Variants in SORCS2 observed in about 807,000 individuals in gnomAD.
The protein encoded by SORCS2 is VPS10 domain-containing receptor SorCS2.
Under a neutral mutation model 141.6 loss-of-function variants are expected in SORCS2, and 100 were observed. That is an observed-to-expected ratio of 0.71 (90% CI 0.60 to 0.83). SORCS2 has a LOEUF of 0.83. Ranked by LOEUF, SORCS2 falls within the 40% of genes least tolerant of loss-of-function variation. The pLI, the probability that SORCS2 is intolerant of heterozygous loss-of-function variation, is 0.00. For synonymous variants in SORCS2, 789 were observed against 676.9 expected, an observed-to-expected ratio of 1.17 and a Z score of -2.57; for missense variants, 1,646 against 1,560.2, an observed-to-expected ratio of 1.05 and a Z score of -0.93.
chr4:7,555,513 A>G (rs1328149242), intron 3 of SORCS2, among the ~76,000 whole-genome samples: 1 of 152,086 alleles, frequency 6.6e-6, no homozygotes, highest in East Asian at 1.9e-4. Flanking sequence ...TCTACCCCAC[A>G]CCCACAACTG....
At chr4:7,271,296 G>T (rs1715110502) in intron 1 of SORCS2, among the ~76,000 whole-genome samples, 2 of 152,112 alleles carry the variant, frequency 1.3e-5, no homozygotes, top group South Asian at 4.2e-4. Flanking sequence ...GATCCCAGTG[G>T]CCCCACACGG....
chr4:7,313,889 G>A (rs75167070), intron 1 of SORCS2, among the ~76,000 whole-genome samples: 1,766 of 152,226 alleles, frequency 0.012, 65 homozygotes, highest in East Asian at 0.11. Context: ...CCTTAGCCTG[G>A]GAGGCCCTGT....
At chr4:7,435,899 C>T (rs540749102) in intron 2 of SORCS2, among the ~76,000 whole-genome samples, 1 of 152,362 alleles carries the variant, frequency 6.6e-6, no homozygotes, top group South Asian at 2.1e-4. Context: ...GGGGGCTCCC[C>T]TAGCCCCACA....
chr4:7,289,591 C>T (rs1408168836), intron 1 of SORCS2, among the ~76,000 whole-genome samples: 1 of 152,222 alleles, frequency 6.6e-6, no homozygotes. Context: ...GCAGCTGCCA[C>T]AGAGACCGAG....
intron 14 of SORCS2, among the ~76,000 whole-genome samples, chr4:7,704,503 C>G (rs1220027540): frequency 6.6e-6 from 1 of 152,222 alleles, no homozygotes; most frequent in Non-Finnish European, 1.5e-5. Flanking sequence ...ATGAGTATTG[C>G]TATCTACTGG....
intron 2 of SORCS2, among the ~76,000 whole-genome samples, chr4:7,450,322 T>C (rs1728355661): frequency 1.3e-5 from 2 of 152,172 alleles, no homozygotes; most frequent in Non-Finnish European, 2.9e-5. Flanking sequence ...AGGGAAATCA[T>C]CACTTGGCTG....
At chr4:7,291,653 G>A (rs1716612444) in intron 1 of SORCS2, among the ~76,000 whole-genome samples, 1 of 152,218 alleles carries the variant, frequency 6.6e-6, no homozygotes, top group Non-Finnish European at 1.5e-5. Context: ...AGAGCCTGGT[G>A]TGTGAAAGAG....
At chr4:7,593,384 T>A (rs1053806018) in intron 3 of SORCS2, among the ~76,000 whole-genome samples, 2 of 152,184 alleles carry the variant, frequency 1.3e-5, no homozygotes, top group African/African-American at 4.8e-5. Context: ...CGGGAGGTAC[T>A]GTTGCAGTCT....
In SORCS2 at chr4:7,441,263, A is replaced by G. The variant is rs117817798; in HGVS notation, c.548+44908A>G. On this transcript the variant is annotated intron_variant, in intron 2 of 26. Transcript: ENST00000507866. ...ATTTCCCAAATACTGCCTTTGCAAA[A>G]GCTGGAAAGAGCCGCACCCCAGGTG... Among the ~76,000 whole-genome samples, 476 of 152,248 alleles carry G rather than the reference A, an allele frequency of 3.1e-3. 10 individuals carry two copies. In the East Asian group the frequency reaches 0.074, roughly 24 times the overall value.
intron 3 of SORCS2, among the ~76,000 whole-genome samples, chr4:7,550,126 G>A (rs1421014052): frequency 3.0e-5 from 2 of 66,970 alleles, no homozygotes; most frequent in African/African-American, 8.1e-5. Flanking sequence ...GTGTGTGTAT[G>A]TGTGTATGTG....
chr4:7,331,722 C>A (rs1195837432), intron 1 of SORCS2, among the ~76,000 whole-genome samples: 1 of 152,196 alleles, frequency 6.6e-6, no homozygotes, highest in African/African-American at 2.4e-5. Context: ...CTGTTTCTAA[C>A]GAGCCCCCAG....
intron 1 of SORCS2, among the ~76,000 whole-genome samples, chr4:7,308,266 G>A (rs1446784602): frequency 6.6e-6 from 1 of 152,140 alleles, no homozygotes; most frequent in African/African-American, 2.4e-5. Context: ...GGGCCTCAAG[G>A]CAGTAGGAGC....
At chr4:7,580,405 G>A (rs553569966) in intron 3 of SORCS2, among the ~76,000 whole-genome samples, 39 of 151,982 alleles carry the variant, frequency 2.6e-4, no homozygotes, top group African/African-American at 7.7e-4. Flanking sequence ...CATGAGAATC[G>A]CTTGAACCTG....
intron 2 of SORCS2, among the ~76,000 whole-genome samples, chr4:7,441,608 TCATCATC>T (rs1727669754): frequency 6.6e-6 from 1 of 151,788 alleles, no homozygotes; most frequent in Admixed American, 6.6e-5. Flanking sequence ...CCAGCCCAGA[TCATCATC>T]CACCCCTTCC....
At chr4:7,245,967 A>G (rs1477203768) in intron 1 of SORCS2, among the ~76,000 whole-genome samples, 2 of 152,096 alleles carry the variant, frequency 1.3e-5, no homozygotes, top group Non-Finnish European at 2.9e-5. Flanking sequence ...GGCGTTTGGT[A>G]CCCAGCCTTG....
intron 1 of SORCS2, among the ~76,000 whole-genome samples, chr4:7,228,817 G>A (rs1235575551): frequency 1.3e-5 from 2 of 152,206 alleles, no homozygotes; most frequent in African/African-American, 2.4e-5. Context: ...CAGTCCATGC[G>A]ACCAGGGCCA....
At chr4:7,531,746 G>A (rs1396869063) in intron 3 of SORCS2, 117 bp downstream of exon 3, 2 of 1,014,970 alleles carry the variant, frequency 2.0e-6, no homozygotes, top group East Asian at 2.6e-5. Context: ...AGGCCGGAGT[G>A]TGAGATGTTT....
At chr4:7,483,430 C>T (rs1730780113) in intron 2 of SORCS2, among the ~76,000 whole-genome samples, 1 of 151,980 alleles carries the variant, frequency 6.6e-6, no homozygotes, top group Non-Finnish European at 1.5e-5. Flanking sequence ...GTTTGCCCAC[C>T]ATGCCAGATG....
At chr4:7,398,441 A>G (rs1724360596) in intron 2 of SORCS2, among the ~76,000 whole-genome samples, 1 of 152,224 alleles carries the variant, frequency 6.6e-6, no homozygotes, top group Admixed American at 6.5e-5. Context: ...ATCTAAATTC[A>G]GTTTTTCTCC....
Sources: gnomAD v4.1 joint callset for allele counts (sites outside exome capture counted in the v4.1 genomes callset) on GRCh38, gnomAD v4.1.1 for gene constraint, MANE v1.5 for transcripts, NCBI Gene and HGNC (gene_info 2026-07-23, HGNC 2026-07-21) for gene names.